The following KCMF1 variants were observed in gnomAD, a reference collection of about 807,000 sequenced individuals.
KCMF1 encodes E3 ubiquitin-protein ligase KCMF1.
KCMF1 carries 3 observed loss-of-function variants against 41.1 expected under a neutral mutation model. The observed-to-expected ratio is 0.07, with a 90% CI of 0.03 to 0.19. The LOEUF is 0.19. KCMF1 is among the 10% of genes least tolerant of loss of function. The pLI is 1.00. For synonymous variants in KCMF1, 142 were observed against 164.5 expected (o/e 0.86, Z 1.04); for missense variants, 286 against 488.9 (o/e 0.58, Z 3.91).
At chr2:85,006,513 G>T (rs746384292) in intron 1 of KCMF1, among the ~76,000 whole-genome samples, 6 of 151,668 alleles carry the variant, frequency 4.0e-5, no homozygotes, top group Non-Finnish European at 8.8e-5. Flanking sequence ...TATTAGGCAG[G>T]ATGATCTCGA....
At chr2:84,981,526 G>A (rs1673752897) in intron 1 of KCMF1, among the ~76,000 whole-genome samples, 1 of 151,924 alleles carries the variant, frequency 6.6e-6, no homozygotes, top group Admixed American at 6.6e-5. Context: ...AATCTCTTTT[G>A]CTGGTACTCA....
At chr2:85,032,002 C>T (rs930808368) in intron 2 of KCMF1, among the ~76,000 whole-genome samples, 6 of 152,152 alleles carry the variant, frequency 3.9e-5, no homozygotes, top group East Asian at 3.8e-4. Flanking sequence ...CCTCCAAAAG[C>T]GCTGGGATTA....
At chr2:84,994,239 C>T (rs188966551) in intron 1 of KCMF1, among the ~76,000 whole-genome samples, 95 of 152,122 alleles carry the variant, frequency 6.2e-4, no homozygotes, top group African/African-American at 1.9e-3. Context: ...TGAGCCACCG[C>T]GCCCGGCCAA....
At chr2:85,024,683 C>T (rs1386753596) in intron 1 of KCMF1, among the ~76,000 whole-genome samples, 3 of 151,692 alleles carry the variant, frequency 2.0e-5, no homozygotes, top group Non-Finnish European at 2.9e-5. Flanking sequence ...TCTATATTGT[C>T]TTCTAGAGAT....
chr2:85,056,800 G>C lies in KCMF1; in HGVS notation c.*3391G>C, dbSNP rs1032938613. ...AGTTTTGTAGAGAAGCCCTGCAGCC[G>C]TGTTTACTATATATGACATGCCTGT... On this transcript the variant is annotated 3_prime_UTR_variant, in exon 7 of 7. Coordinates refer to ENST00000409785, the MANE Select transcript of KCMF1 (RefSeq NM_020122.5). 1.3e-5 allele frequency: 2 copies of C among 152,196 alleles called. No individual in the cohort carries two copies. The highest frequency in any genetic ancestry group is 2.9e-5 in the Non-Finnish European group (2 of 68,058). 9.4% of individuals were successfully genotyped at this position (152,196 alleles called of 1,614,324 possible).
chr2:85,010,796 C>T (rs1368679494), intron 1 of KCMF1, among the ~76,000 whole-genome samples: 1 of 151,436 alleles, frequency 6.6e-6, no homozygotes, highest in Non-Finnish European at 1.5e-5. Flanking sequence ...TCCTTTATAT[C>T]AGTATGGAGT....
intron 1 of KCMF1, among the ~76,000 whole-genome samples, chr2:84,986,519 C>T (rs1673904149): frequency 1.3e-5 from 2 of 152,014 alleles, no homozygotes; most frequent in African/African-American, 4.8e-5. Flanking sequence ...GGTGGGACAA[C>T]AGTGAGGAGA....
At chr2:84,975,311 C>A (rs530529788) in intron 1 of KCMF1, among the ~76,000 whole-genome samples, 3 of 152,252 alleles carry the variant, frequency 2.0e-5, no homozygotes, top group Non-Finnish European at 4.4e-5. Context: ...CTGCCCTAGA[C>A]TGGCGCTTTA....
chr2:85,053,536 C>G lies in KCMF1; in HGVS notation c.*127C>G. 1.0e-6 allele frequency: 1 copy of G among 962,000 alleles called. No individual in the cohort carries two copies. 59.6% of individuals were successfully genotyped at this position (962,000 alleles called of 1,614,324 possible). On this transcript the variant is annotated 3_prime_UTR_variant, in exon 7 of 7. Transcript: ENST00000409785. ...TCACTCTTGTTACATTGTGTACATT[C>G]AAAAGGAAGAGAGAAAATATATATG...
At chr2:85,035,935 C>T (rs1000689405) in intron 3 of KCMF1, among the ~76,000 whole-genome samples, 7 of 151,982 alleles carry the variant, frequency 4.6e-5, no homozygotes, top group African/African-American at 1.7e-4. Context: ...CTAATAAGCC[C>T]GTAAATGTAC....
chr2:84,997,002 A>G (rs1674193071), intron 1 of KCMF1, among the ~76,000 whole-genome samples: 1 of 152,226 alleles, frequency 6.6e-6, no homozygotes, highest in Non-Finnish European at 1.5e-5. Context: ...ACTGTACTGA[A>G]TACTGTAGGT....
At chr2:85,001,163 T>A (rs1192362272) in intron 1 of KCMF1, among the ~76,000 whole-genome samples, 7 of 150,966 alleles carry the variant, frequency 4.6e-5, no homozygotes, top group East Asian at 3.9e-4. Context: ...TTAATTAATT[T>A]TTTCATTTTT....
chr2:84,987,646 G>A (rs1425617872), intron 1 of KCMF1, among the ~76,000 whole-genome samples: 22 of 152,132 alleles, frequency 1.4e-4, no homozygotes, highest in Admixed American at 1.4e-3. Context: ...TCAGAAGTGG[G>A]AAATACTACT....
chr2:84,974,698 T>G (rs1244983310), intron 1 of KCMF1, among the ~76,000 whole-genome samples: 16 of 62,874 alleles, frequency 2.5e-4, no homozygotes, highest in African/African-American at 1.0e-3. Flanking sequence ...TATATTTTTT[T>G]TTTTTTTTTT....
At chr2:84,975,700 CA>C (rs1464005395) in intron 1 of KCMF1, among the ~76,000 whole-genome samples, 4 of 152,178 alleles carry the variant, frequency 2.6e-5, no homozygotes, top group Non-Finnish European at 5.9e-5. Context: ...TGAACCCAAT[CA>C]TTTTTTATCT....
chr2:84,991,885 T>C (rs933585807), intron 1 of KCMF1, among the ~76,000 whole-genome samples: 1 of 152,204 alleles, frequency 6.6e-6, no homozygotes, highest in Admixed American at 6.5e-5. Context: ...ATGACTCATA[T>C]TTCAACCCAT....
chr2:85,046,945 T>C (rs1675681986), intron 5 of KCMF1, among the ~76,000 whole-genome samples: 3 of 152,186 alleles, frequency 2.0e-5, no homozygotes, highest in Non-Finnish European at 4.4e-5. Context: ...TTAGATTTAC[T>C]CTATTTTGTT....
intron 1 of KCMF1, among the ~76,000 whole-genome samples, chr2:84,990,134 G>A (rs761374092): frequency 5.3e-5 from 8 of 152,328 alleles, no homozygotes; most frequent in Non-Finnish European, 7.4e-5. Context: ...CATTGGAATA[G>A]GGAAGGTTGT....
chr2:85,001,722 A>C (rs1286974235), intron 1 of KCMF1, among the ~76,000 whole-genome samples: 1 of 152,114 alleles, frequency 6.6e-6, no homozygotes, highest in African/African-American at 2.4e-5. Flanking sequence ...ATAGTGACTA[A>C]ATTTATTTTA....
Sources: allele counts gnomAD v4.1 joint callset (sites outside exome capture counted in the v4.1 genomes callset), GRCh38; gene constraint gnomAD v4.1.1; transcripts MANE v1.5; gene names NCBI Gene and HGNC (gene_info 2026-07-23, HGNC 2026-07-21).